The following RFXAP variants were observed in gnomAD, a reference collection of about 807,000 sequenced individuals.
The protein encoded by RFXAP is regulatory factor X associated protein.
In RFXAP, 21 loss-of-function variants were observed where a neutral mutation model predicts 25.7. The observed-to-expected ratio is 0.82, with a 90% CI of 0.58 to 1.18. RFXAP has a LOEUF of 1.18. Ranked by LOEUF, RFXAP falls within the 50% of genes most tolerant of loss-of-function variation. RFXAP has a pLI of 0.00. For synonymous variants in RFXAP, 161 were observed against 152.2 expected (o/e 1.06, Z -0.43); for missense variants, 333 against 363.0 (o/e 0.92, Z 0.67).
Position 36,820,651 on chromosome 13 carries a change from C to T in RFXAP, c.600+694C>T, listed in dbSNP as rs78238172. On this transcript the variant is annotated intron_variant, in intron 1 of 2. Coordinates refer to ENST00000255476, the MANE Select transcript of RFXAP (RefSeq NM_000538.4). ...TCTCACTACCCCTTTTCTTAGTACC[C>T]CTGAGGGGGGAAAAAAAGGATGATA... is the stretch of plus-strand genomic sequence containing the variant. Among the ~76,000 whole-genome samples, 1,204 of 152,190 alleles carry T rather than the reference C, an allele frequency of 7.9e-3. 16 individuals are homozygous for T. Among genetic ancestry groups the T allele is most frequent in the African/African-American group, 0.028 (1,169 of 41,490 alleles).
chr13:36,827,467 ATTATTT>A (rs2057981771), intron 2 of RFXAP, among the ~76,000 whole-genome samples, 170 bp from the exon 3 acceptor site: 1 of 152,194 alleles, frequency 6.6e-6, no homozygotes, highest in African/African-American at 2.4e-5. Flanking sequence ...GTGACATCAC[ATTATTT>A]TTAGTTTGCA....
chr13:36,819,659 G>A lies in RFXAP; in HGVS notation c.302G>A (p.Gly101Glu), dbSNP rs1474685587. ...DLLDTSDPPG[G>E]GESAASLEDL... Reference sequence around the variant, plus strand: ...TTAGACACTTCGGACCCTCCGGGGGGAGGCGAGAGCGCGGCTAGTTTGGAG... The same window carrying A: ...TTAGACACTTCGGACCCTCCGGGGGAAGGCGAGAGCGCGGCTAGTTTGGAG... The change falls in exon 1 of 3, where the codon GGA becomes GAA. Residue 101 changes from glycine to glutamate, a missense_variant. By Grantham distance (98) the Gly-to-Glu change is moderately conservative. Transcript: ENST00000255476. 1 of 1,548,800 alleles carries A rather than the reference G, an allele frequency of 6.5e-7. No individual in the cohort carries two copies. The highest frequency in any genetic ancestry group is 1.4e-5 in the African/African-American group (1 of 73,002).
Position 36,819,582 on chromosome 13 carries a change from C to G in RFXAP, c.225C>G (p.Cys75Trp). Reference sequence around the variant, plus strand: ...CGGGCAAGCCCGTTAGGTACCTGTGCGAAGGGGCCGGGGATGGCGAAGAGG... The same window carrying G: ...CGGGCAAGCCCGTTAGGTACCTGTGGGAAGGGGCCGGGGATGGCGAAGAGG... ...VGAGKPVRYL[C>W]EGAGDGEEEA... Residue 75 changes from cysteine (C) to tryptophan (W), a missense_variant, in exon 1 of 3, where the codon TGC (cysteine) becomes TGG (tryptophan). Transcript: ENST00000255476. 6.5e-7 allele frequency: 1 copy of G among 1,531,968 alleles called. No individual in the cohort carries two copies. The highest frequency in any genetic ancestry group is 8.8e-7 in the Non-Finnish European group (1 of 1,136,478). The allele number at this position is 1,531,968 out of a possible 1,614,324, so 94.9% of individuals were successfully genotyped here. A position where few individuals can be genotyped will look rare whatever the true frequency, so the allele number is the denominator to read the frequency against.
intron 1 of RFXAP, among the ~76,000 whole-genome samples, chr13:36,824,771 A>G (rs2057972831): frequency 6.6e-6 from 1 of 152,160 alleles, no homozygotes; most frequent in Non-Finnish European, 1.5e-5. Flanking sequence ...ATCTCAGGGT[A>G]ATGGTATCAT....
At chr13:36,824,822 CTATT>C (rs2057972959) in intron 1 of RFXAP, among the ~76,000 whole-genome samples, 2 of 152,192 alleles carry the variant, frequency 1.3e-5, no homozygotes, top group East Asian at 1.9e-4. Context: ...TGGCAGGAGA[CTATT>C]TATACTAGTG....
rs916302932 is a variant in RFXAP at position 36,826,152 on chromosome 13, A to G, written c.708+617A>G. Among the ~76,000 whole-genome samples, 13 of 152,306 alleles carry G rather than the reference A, an allele frequency of 8.5e-5. No individual in the cohort carries two copies. In the South Asian group the frequency reaches 1.7e-3, roughly 19 times the overall value. ...CATACCACTGTACTCCAGCCTAGGCAACAGAGCACCCTATAAATCATTAAA... is the reference window on the plus strand; with the variant it reads ...CATACCACTGTACTCCAGCCTAGGCGACAGAGCACCCTATAAATCATTAAA... On this transcript the variant is annotated intron_variant, in intron 2 of 2. Transcript: ENST00000255476.
At chr13:36,827,563 A>T in intron 2 of RFXAP, 80 bp from the exon 3 acceptor site, 1 of 984,058 alleles carries the variant, frequency 1.0e-6, no homozygotes, top group Non-Finnish European at 1.6e-6. Context: ...ATATGTAGGG[A>T]CACATCAGAG....
intron 1 of RFXAP, 33 bp downstream of exon 1, chr13:36,819,990 G>A: frequency 2.5e-6 from 4 of 1,609,318 alleles, no homozygotes; most frequent in South Asian, 2.2e-5. Flanking sequence ...GGGGATGGGA[G>A]GTGGAAGAAG....
chr13:36,827,865 T>A lies in RFXAP; in HGVS notation c.*112T>A. ...ATCTATGCCTGTAGAACATAAACATTTTCCTGTAAATGTATGTGTGCATTT... is the reference window on the plus strand; with the variant it reads ...ATCTATGCCTGTAGAACATAAACATATTCCTGTAAATGTATGTGTGCATTT... On this transcript the variant is annotated 3_prime_UTR_variant, in exon 3 of 3. Transcript: ENST00000255476. 1.2e-6 allele frequency: 1 copy of A among 832,380 alleles called. No individual in the cohort carries two copies. The highest frequency in any genetic ancestry group is 2.0e-6 in the Non-Finnish European group (1 of 501,734). 51.6% of individuals were successfully genotyped at this position (832,380 alleles called of 1,614,324 possible). A position where few individuals can be genotyped will look rare whatever the true frequency, so the allele number is the denominator to read the frequency against.
At position 36,819,237 on chromosome 13, in the gene RFXAP, G is replaced by C; in HGVS notation, c.-121G>C. ...GCGGTCGCGCAGGCGCAGTCGGGGC[G>C]CCTTCCCGGTATAGGCGCCTTTTAC... On this transcript the variant is annotated 5_prime_UTR_variant, in exon 1 of 3. Coordinates refer to ENST00000255476, the MANE Select transcript of RFXAP (RefSeq NM_000538.4). 2 of 1,047,680 alleles carry C rather than the reference G, an allele frequency of 1.9e-6. No homozygotes were observed. Among genetic ancestry groups the C allele is most frequent in the Non-Finnish European group, 2.4e-6 (2 of 826,524 alleles). 64.9% of individuals were successfully genotyped at this position (1,047,680 alleles called of 1,614,324 possible). A position where few individuals can be genotyped will look rare whatever the true frequency, so the allele number is the denominator to read the frequency against.
At chr13:36,821,214 T>TAA (rs10573140) in intron 1 of RFXAP, among the ~76,000 whole-genome samples, 1 of 104,846 alleles carries the variant, frequency 9.5e-6, no homozygotes, top group African/African-American at 3.8e-5. Flanking sequence ...CCTGTCTCCT[T>TAA]AAAAAAAAAA....
chr13:36,821,702 G>A (rs533430057), intron 1 of RFXAP, among the ~76,000 whole-genome samples: 3 of 152,120 alleles, frequency 2.0e-5, no homozygotes, highest in Admixed American at 2.0e-4. Flanking sequence ...TCTAAAATTT[G>A]CAGTTGCCAG....
chr13:36,819,384 C>T lies in RFXAP; in HGVS notation c.27C>T (p.Gly9=), dbSNP rs1049663849. The change falls in exon 1 of 3, where the codon GGC becomes GGT. Residue 9 remains glycine, a synonymous_variant. Coordinates refer to ENST00000255476, the MANE Select transcript of RFXAP (RefSeq NM_000538.4). MEAQGVAE[G]AGPGAASGVP... ...TGGAGGCGCAGGGTGTAGCGGAGGG[C>T]GCGGGGCCGGGCGCCGCCAGCGGCG... 2.5e-5 allele frequency: 32 copies of T among 1,297,844 alleles called. No individual in the cohort carries two copies. The highest frequency in any genetic ancestry group is 2.8e-5 in the Non-Finnish European group (29 of 1,028,592). The allele number at this position is 1,297,844 out of a possible 1,614,324, so 80.4% of individuals were successfully genotyped here. A position where few individuals can be genotyped will look rare whatever the true frequency, so the allele number is the denominator to read the frequency against.
At chr13:36,826,747 T>C (rs116503030) in intron 2 of RFXAP, among the ~76,000 whole-genome samples, 38 of 152,340 alleles carry the variant, frequency 2.5e-4, no homozygotes, top group African/African-American at 9.1e-4. Flanking sequence ...TACTAAGATA[T>C]AATACATATA....
intron 1 of RFXAP, among the ~76,000 whole-genome samples, chr13:36,822,692 C>G (rs2057966923): frequency 1.3e-5 from 2 of 152,108 alleles, no homozygotes; most frequent in Admixed American, 6.5e-5. Flanking sequence ...CCTAGCTTCA[C>G]TATTTTAAAA....
chr13:36,819,927 G>C lies in RFXAP; in HGVS notation c.570G>C (p.Ser190=). 2 of 1,613,862 alleles carry C rather than the reference G, an allele frequency of 1.2e-6. No individual in the cohort carries two copies. The highest frequency in any genetic ancestry group is 1.7e-6 in the Non-Finnish European group (2 of 1,179,954). The change falls in exon 1 of 3, where the codon TCG becomes TCC. Residue 190 remains serine (S), a synonymous_variant. Transcript: ENST00000255476. ...CCCTGAACTGCGGTGGGACTGCCTCGACTGGCAGCGCGGGAAACGTCAAAC... is the reference window on the plus strand; with the variant it reads ...CCCTGAACTGCGGTGGGACTGCCTCCACTGGCAGCGCGGGAAACGTCAAAC... ...DQALNCGGTA[S]TGSAGNVKLE...
chr13:36,825,298 G>C (rs1648705837), intron 1 of RFXAP, 130 bp from the exon 2 acceptor site: 1 of 682,954 alleles, frequency 1.5e-6, no homozygotes, highest in African/African-American at 1.8e-5. Flanking sequence ...AACTTTCCCA[G>C]AGTTGCCCAG....
intron 1 of RFXAP, 81 bp downstream of exon 1, chr13:36,820,038 G>T: frequency 6.4e-7 from 1 of 1,560,714 alleles, no homozygotes; most frequent in Non-Finnish European, 8.7e-7. Flanking sequence ...TGCAGGGCCT[G>T]CCTCCCCACT....
Position 36,827,929 on chromosome 13 carries a change from T to C in RFXAP, c.*176T>C. 1.7e-6 allele frequency: 1 copy of C among 587,278 alleles called. No homozygotes were observed. Among genetic ancestry groups the C allele is most frequent in the Non-Finnish European group, 3.0e-6 (1 of 329,602 alleles). 36.4% of individuals were successfully genotyped at this position (587,278 alleles called of 1,614,324 possible). A position where few individuals can be genotyped will look rare whatever the true frequency, so the allele number is the denominator to read the frequency against. On this transcript the variant is annotated 3_prime_UTR_variant, in exon 3 of 3. Transcript: ENST00000255476. ...TATTGCACTTTGTGCATCTAATCTT[T>C]CAGATTACTGTGAGTTTGAAGAAGT...
Sources: gnomAD v4.1 joint callset for allele counts (sites outside exome capture counted in the v4.1 genomes callset) on GRCh38, gnomAD v4.1.1 for gene constraint, MANE v1.5 for transcripts, NCBI Gene and HGNC (gene_info 2026-07-23, HGNC 2026-07-21) for gene names.